Variants in DCAF6 observed in about 807,000 individuals in gnomAD.
DCAF6 encodes the protein DDB1 and CUL4 associated factor 6.
In DCAF6, 54 loss-of-function variants were observed where a neutral mutation model predicts 125.1. The observed-to-expected ratio is 0.43, with a 90% CI of 0.35 to 0.54. The LOEUF (loss-of-function observed/expected upper bound fraction) is 0.54. Among genes scored for constraint, DCAF6 ranks in the 20% least tolerant of loss-of-function variants. DCAF6 has a pLI of 0.01. For synonymous variants in DCAF6, 371 were observed against 390.4 expected, an observed-to-expected ratio of 0.95 and a Z score of 0.58; for missense variants, 934 against 1,161.7, an observed-to-expected ratio of 0.80 and a Z score of 2.85.
intron 17 of DCAF6, among the ~76,000 whole-genome samples, chr1:168,054,332 G>A (rs1690328707): frequency 1.3e-5 from 2 of 152,184 alleles, no homozygotes; most frequent in African/African-American, 2.4e-5. Context: ...ATCACATGAT[G>A]AGAAGGCTAA....
In DCAF6 at chr1:168,050,951, T is replaced by A; in HGVS notation, c.2300+18T>A. 1.5e-6 allele frequency: 2 copies of A among 1,336,164 alleles called. No homozygotes were observed. Among genetic ancestry groups the A allele is most frequent in the South Asian group, 1.9e-5 (1 of 52,408 alleles). The allele number at this position is 1,336,164 out of a possible 1,614,324, so 82.8% of individuals were successfully genotyped here. On this transcript the variant is annotated intron_variant, in intron 17 of 21. Transcript: ENST00000367840. ...ATAATGAGGTAATTCAGTATGTTCC[T>A]TCATAATTTTTTTTTTATGATGGAT...
At chr1:168,054,875 G>GT (rs1259092156) in intron 17 of DCAF6, among the ~76,000 whole-genome samples, 1 of 149,616 alleles carries the variant, frequency 6.7e-6, no homozygotes, top group Non-Finnish European at 1.5e-5. Flanking sequence ...GCAGTGCAGT[G>GT]GTGTGAACTC....
intron 5 of DCAF6, 37 bp from the exon 6 acceptor site, chr1:167,991,167 T>A: frequency 6.4e-7 from 1 of 1,553,518 alleles, no homozygotes; most frequent in Non-Finnish European, 8.7e-7. Flanking sequence ...CTCTGCTGTA[T>A]AACTATATGT....
chr1:167,928,632 G>A, the DCAF6 span, among the ~76,000 whole-genome samples: 1 of 152,152 alleles, frequency 6.6e-6, no homozygotes, highest in Admixed American at 6.5e-5. Flanking sequence ...CTCAAATAGT[G>A]ACAATACAAT....
chr1:167,993,463 C>T (rs1454572182), intron 7 of DCAF6, 23 bp downstream of exon 7: 7 of 1,605,468 alleles, frequency 4.4e-6, no homozygotes, highest in Non-Finnish European at 5.1e-6. Flanking sequence ...AAAACCATGT[C>T]CTTTGGCCGG....
At position 167,936,964 on chromosome 1, in the gene DCAF6, C is replaced by A; in HGVS notation, c.53C>A (p.Ser18Tyr). 1 of 1,611,100 alleles carries A rather than the reference C, an allele frequency of 6.2e-7. No homozygotes were observed. Among genetic ancestry groups the A allele is most frequent in the South Asian group, 1.1e-5 (1 of 90,414 alleles). The change falls in exon 1 of 22, where the codon TCC (serine) becomes TAC (tyrosine). Residue 18 changes from serine to tyrosine, a missense_variant. Coordinates refer to ENST00000367840, the MANE Select transcript of DCAF6 (RefSeq NM_001198956.2). ...PHLLWDVRKRSLGLEDPSRLR... is the reference protein window; with the variant it reads ...PHLLWDVRKRYLGLEDPSRLR... ...CTGTTGTGGGACGTGAGGAAAAGGT[C>A]CCTCGGGCTGGAGGACCCGTCCCGG... is the stretch of plus-strand genomic sequence containing the variant.
At chr1:167,939,496 C>T (rs567965373) in intron 1 of DCAF6, among the ~76,000 whole-genome samples, 1 of 152,284 alleles carries the variant, frequency 6.6e-6, no homozygotes, top group African/African-American at 2.4e-5. Flanking sequence ...GGCGCGGTGG[C>T]TTACGCCTGG....
chr1:168,074,364 G>A (rs910643291), intron 21 of DCAF6, among the ~76,000 whole-genome samples: 2 of 152,078 alleles, frequency 1.3e-5, no homozygotes, highest in African/African-American at 4.8e-5. Flanking sequence ...ATGTGGAAAT[G>A]TTTCTGGGGC....
chr1:168,006,600 A>G (rs1008259834), intron 10 of DCAF6, among the ~76,000 whole-genome samples: 2 of 152,100 alleles, frequency 1.3e-5, no homozygotes, highest in Admixed American at 1.3e-4. Flanking sequence ...TTTTTGTCCA[A>G]TCTCTTTTGC....
chr1:168,018,086 A>G (rs1685211451), intron 11 of DCAF6, among the ~76,000 whole-genome samples: 1 of 152,220 alleles, frequency 6.6e-6, no homozygotes, highest in Non-Finnish European at 1.5e-5. Context: ...TCATGGGAAT[A>G]TTCTGTGAAA....
intron 21 of DCAF6, among the ~76,000 whole-genome samples, chr1:168,069,747 A>G (rs1435176223): frequency 6.6e-6 from 1 of 152,204 alleles, no homozygotes; most frequent in Non-Finnish European, 1.5e-5. Flanking sequence ...AAACAACAAC[A>G]AAAAATAAAC....
chr1:167,877,683 C>G, the DCAF6 span, among the ~76,000 whole-genome samples: 3 of 151,784 alleles, frequency 2.0e-5, no homozygotes, highest in African/African-American at 7.3e-5. Flanking sequence ...GAAGCATATG[C>G]TATAGGAGGA....
chr1:167,964,477 C>A (rs1004295151), intron 2 of DCAF6, among the ~76,000 whole-genome samples: 1 of 152,028 alleles, frequency 6.6e-6, no homozygotes, highest in African/African-American at 2.4e-5. Context: ...AGGATTTTTT[C>A]TTATCTTTGA....
intron 4 of DCAF6, among the ~76,000 whole-genome samples, chr1:167,977,203 CCA>C: frequency 6.7e-6 from 1 of 149,440 alleles, no homozygotes; most frequent in Non-Finnish European, 1.5e-5. Flanking sequence ...CGTGCCTGGG[CCA>C]CAGTTTTTTT....
the DCAF6 span, among the ~76,000 whole-genome samples, chr1:167,913,520 TA>T: frequency 3.9e-5 from 6 of 152,244 alleles, no homozygotes; most frequent in Non-Finnish European, 5.9e-5. Context: ...TGTCTACACT[TA>T]AGTGGCTTAT....
At chr1:167,942,916 C>A (rs889889263) in intron 1 of DCAF6, among the ~76,000 whole-genome samples, 1 of 151,704 alleles carries the variant, frequency 6.6e-6, no homozygotes, top group Non-Finnish European at 1.5e-5. Context: ...TAAACTTGGT[C>A]TTTTTTTTGA....
chr1:168,032,564 TA>T (rs1687239888), intron 12 of DCAF6, among the ~76,000 whole-genome samples: 1 of 152,230 alleles, frequency 6.6e-6, no homozygotes, highest in Non-Finnish European at 1.5e-5. Flanking sequence ...TAAACTTTAT[TA>T]TTTTTTCAGA....
At chr1:167,913,430 GCA>G in the DCAF6 span, among the ~76,000 whole-genome samples, 1 of 152,128 alleles carries the variant, frequency 6.6e-6, no homozygotes, top group East Asian at 1.9e-4. Flanking sequence ...GAACTTAAAG[GCA>G]CAGTGTTACC....
intron 12 of DCAF6, chr1:168,023,828 T>C (rs1250645116): frequency 6.6e-6 from 1 of 152,220 alleles, no homozygotes; most frequent in Non-Finnish European, 1.5e-5. Flanking sequence ...CAGAATTTAA[T>C]GAAGTATTTT....
Sources: allele counts gnomAD v4.1 joint callset (sites outside exome capture counted in the v4.1 genomes callset), GRCh38; gene constraint gnomAD v4.1.1; transcripts MANE v1.5; gene names NCBI Gene and HGNC (gene_info 2026-07-23, HGNC 2026-07-21).